The following C4BPA variants were observed in gnomAD, a reference collection of about 807,000 sequenced individuals.
The protein encoded by C4BPA is complement component 4 binding protein alpha.
In C4BPA, 31 loss-of-function variants were observed where a neutral mutation model predicts 63.7. The observed-to-expected ratio is 0.49, with a 90% CI of 0.37 to 0.66. C4BPA has a LOEUF of 0.66. Ranked by LOEUF, C4BPA falls within the 30% of genes least tolerant of loss-of-function variation. C4BPA has a pLI of 0.00. For missense variants in C4BPA, 572 were observed against 723.3 expected (o/e 0.79, Z 2.40); for synonymous variants, 259 against 254.7 (o/e 1.02, Z -0.16).
chr1:207,112,198 A>ATG (rs1250737234), intron 1 of C4BPA, among the ~76,000 whole-genome samples: 3 of 152,000 alleles, frequency 2.0e-5, no homozygotes, highest in African/African-American at 7.2e-5. Flanking sequence ...TCATATATAT[A>ATG]TATGTGTGTG....
intron 7 of C4BPA, 182 bp downstream of exon 7, chr1:207,127,077 G>A (rs1685061695): frequency 4.2e-6 from 2 of 478,020 alleles, no homozygotes; most frequent in Non-Finnish European, 7.3e-6. Context: ...CACTCTGCAA[G>A]GTCATATATT....
chr1:207,114,999 G>T (rs756898926), intron 3 of C4BPA, among the ~76,000 whole-genome samples: 22 of 152,218 alleles, frequency 1.4e-4, no homozygotes, highest in Non-Finnish European at 2.9e-4. Context: ...TTCACTGTCA[G>T]TTGGGAATGC....
In C4BPA at chr1:207,134,426, G is replaced by C. The variant is rs761386844; in HGVS notation, c.1107G>C (p.Lys369Asn). Residue 369 changes from lysine to asparagine, a missense_variant, in exon 9 of 12, where the codon AAG becomes AAC. Physicochemically the swap from Lys to Asn is moderately conservative, Grantham distance 94. Coordinates refer to ENST00000367070, the MANE Select transcript of C4BPA (RefSeq NM_000715.4). ...CAGCGTTATGTTGCCCTGAACCAAA[G>C]CTAAATAATGGTGAAATCACTCAAC... Reference protein sequence around the residue: ...GCEALCCPEPKLNNGEITQHR... With the variant: ...GCEALCCPEPNLNNGEITQHR... 1 of 1,613,306 alleles carries C rather than the reference G, an allele frequency of 6.2e-7. No individual in the cohort carries two copies. Among genetic ancestry groups the C allele is most frequent in the Non-Finnish European group, 8.5e-7 (1 of 1,179,668 alleles).
intron 4 of C4BPA, among the ~76,000 whole-genome samples, chr1:207,115,987 A>G (rs1684777914): frequency 6.6e-6 from 1 of 152,208 alleles, no homozygotes; most frequent in Non-Finnish European, 1.5e-5. Context: ...GCTCTGAAGT[A>G]TTCTCTTGTA....
chr1:207,134,712 T>C (rs747878881), intron 9 of C4BPA, 120 bp downstream of exon 9: 34 of 637,280 alleles, frequency 5.3e-5, no homozygotes, highest in Non-Finnish European at 9.0e-5. Context: ...ATTCTTGGAA[T>C]GGGTCCAACT....
chr1:207,110,428 T>C (rs2102328614), intron 1 of C4BPA, among the ~76,000 whole-genome samples: 1 of 152,272 alleles, frequency 6.6e-6, no homozygotes, highest in Middle Eastern at 3.4e-3. Flanking sequence ...ACTTGAAGGA[T>C]CAGTTCATAG....
intron 7 of C4BPA, among the ~76,000 whole-genome samples, chr1:207,130,855 A>C (rs1685144113): frequency 6.6e-6 from 1 of 152,174 alleles, no homozygotes; most frequent in Non-Finnish European, 1.5e-5. Flanking sequence ...GGGTTGATAA[A>C]AATATTCTGA....
At chr1:207,116,387 G>A (rs1389047487) in intron 4 of C4BPA, among the ~76,000 whole-genome samples, 1 of 150,614 alleles carries the variant, frequency 6.6e-6, no homozygotes, top group Non-Finnish European at 1.5e-5. Flanking sequence ...TTAACTTGTT[G>A]AACTTTTTAT....
At chr1:207,107,156 CTGAATAGTGAGTAAA>C (rs1296771605) in intron 1 of C4BPA, among the ~76,000 whole-genome samples, 1 of 152,148 alleles carries the variant, frequency 6.6e-6, no homozygotes, top group Non-Finnish European at 1.5e-5. Context: ...GACATTTGAT[CTGAATAGTGAGTAAA>C]GGAATAGTGA....
chr1:207,129,796 T>C (rs2102347574), intron 7 of C4BPA, among the ~76,000 whole-genome samples: 1 of 152,306 alleles, frequency 6.6e-6, no homozygotes, highest in African/African-American at 2.4e-5. Flanking sequence ...TCATGTTTCA[T>C]GTCTTTTATA....
intron 10 of C4BPA, among the ~76,000 whole-genome samples, chr1:207,143,277 C>G (rs916722244): frequency 6.7e-6 from 1 of 148,964 alleles, no homozygotes; most frequent in African/African-American, 2.5e-5. Flanking sequence ...TAGGTGGGAG[C>G]TGAAAAATGA....
chr1:207,135,328 A>G (rs1685257745), intron 9 of C4BPA, among the ~76,000 whole-genome samples: 1 of 151,882 alleles, frequency 6.6e-6, no homozygotes, highest in African/African-American at 2.4e-5. Context: ...ACAGAGCGAG[A>G]ATTTGTCCCA....
In C4BPA at chr1:207,104,289, A is replaced by G. The variant is rs1276081599; in HGVS notation, c.-167A>G. On this transcript the variant is annotated 5_prime_UTR_variant, in exon 1 of 12. Coordinates refer to ENST00000367070, the MANE Select transcript of C4BPA (RefSeq NM_000715.4). ...AAATTCAGGGACTCTTTGGTGGAGCAATTACCAGTCAACTTCAGGGTATTA... is the reference window on the plus strand; with the variant it reads ...AAATTCAGGGACTCTTTGGTGGAGCGATTACCAGTCAACTTCAGGGTATTA... The G allele has an allele frequency of 6.6e-6, 1 of 152,236 alleles. No individual in the cohort carries two copies. The highest frequency in any genetic ancestry group is 1.5e-5 in the Non-Finnish European group (1 of 68,066). 9.4% of individuals were successfully genotyped at this position (152,236 alleles called of 1,614,324 possible). A position where few individuals can be genotyped will look rare whatever the true frequency, so the allele number is the denominator to read the frequency against.
chr1:207,111,004 A>G (rs760649745), intron 1 of C4BPA, among the ~76,000 whole-genome samples: 2 of 152,204 alleles, frequency 1.3e-5, no homozygotes, highest in Non-Finnish European at 2.9e-5. Context: ...AAATCTACTC[A>G]TTGTCAAAAA....
intron 9 of C4BPA, among the ~76,000 whole-genome samples, chr1:207,138,853 T>C (rs1388282419): frequency 6.6e-6 from 1 of 152,234 alleles, no homozygotes; most frequent in African/African-American, 2.4e-5. Flanking sequence ...GATATCTTAG[T>C]GTTCCCTGAA....
At position 207,141,228 on chromosome 1, in the gene C4BPA, C is replaced by G; in HGVS notation, c.1396C>G (p.Leu466Val). Reference sequence around the variant, plus strand: ...CTACATTCTGGTCGGACAGGCGAAACTCTCCTGCAGTTATTCACACTGGTC... The same window carrying G: ...CTACATTCTGGTCGGACAGGCGAAAGTCTCCTGCAGTTATTCACACTGGTC... Reference protein sequence around the residue: ...KGYILVGQAKLSCSYSHWSAP... With the variant: ...KGYILVGQAKVSCSYSHWSAP... The change falls in exon 10 of 12, where the codon CTC becomes GTC. Residue 466 changes from leucine (L) to valine (V), a missense_variant. This residue lies in a region of C4BPA where 465 missense variants were observed against 629.4 expected (regional missense o/e 0.74). Coordinates refer to ENST00000367070, the MANE Select transcript of C4BPA (RefSeq NM_000715.4). The G allele has an allele frequency of 6.2e-7, 1 of 1,613,738 alleles. No homozygotes were observed. The highest frequency in any genetic ancestry group is 8.5e-7 in the Non-Finnish European group (1 of 1,179,786).
intron 1 of C4BPA, among the ~76,000 whole-genome samples, chr1:207,112,051 C>T (rs930105418): frequency 6.6e-6 from 1 of 151,804 alleles, no homozygotes; most frequent in Admixed American, 6.6e-5. Context: ...CTAACACAAA[C>T]TTAGGATATG....
chr1:207,128,906 C>T (rs1685104203), intron 7 of C4BPA, among the ~76,000 whole-genome samples: 1 of 151,846 alleles, frequency 6.6e-6, no homozygotes, highest in African/African-American at 2.4e-5. Flanking sequence ...GAAAGAGTGA[C>T]CCATGTAAAG....
chr1:207,110,973 C>T (rs1278747939), intron 1 of C4BPA, among the ~76,000 whole-genome samples: 1 of 152,178 alleles, frequency 6.6e-6, no homozygotes, highest in Non-Finnish European at 1.5e-5. Context: ...TTCAATTTCA[C>T]TGAAATTCAA....
Sources: gnomAD v4.1 joint callset for allele counts (sites outside exome capture counted in the v4.1 genomes callset) on GRCh38, gnomAD v4.1.1 for gene constraint, gnomAD v4.1.1 regional missense constraint, MANE v1.5 for transcripts, NCBI Gene and HGNC (gene_info 2026-07-23, HGNC 2026-07-21) for gene names.